The following EVL variants were observed in gnomAD, a reference collection of about 807,000 sequenced individuals.
The protein encoded by EVL is Enah/Vasp-like, also known as ena/VASP-like protein.
In EVL, 21 loss-of-function variants were observed where a neutral mutation model predicts 59.6. The ratio of observed to expected loss-of-function variants is 0.35; its 90% CI spans 0.25 to 0.51. The LOEUF is 0.51. EVL is among the 20% of genes least tolerant of loss of function. The pLI is 0.97. For missense variants in EVL, 462 were observed against 546.6 expected, an observed-to-expected ratio of 0.85 and a Z score of 1.54; for synonymous variants, 198 against 203.5, an observed-to-expected ratio of 0.97 and a Z score of 0.23.
chr14:100,045,492 C>T (rs1480425830), intron 1 of EVL, among the ~76,000 whole-genome samples: 1 of 152,228 alleles, frequency 6.6e-6, no homozygotes, highest in African/African-American at 2.4e-5. Context: ...GAAGAACTCT[C>T]TCGTGTAGGT....
intron 1 of EVL, among the ~76,000 whole-genome samples, chr14:100,027,630 CTTTT>C (rs1006157505): frequency 1.3e-5 from 2 of 151,278 alleles, no homozygotes; most frequent in Non-Finnish European, 3.0e-5. Flanking sequence ...ATTTATACCA[CTTTT>C]TTTTTAATCC....
chr14:100,132,544 G>C (rs1466187293), intron 7 of EVL, among the ~76,000 whole-genome samples, 175 bp from the exon 8 acceptor site: 1 of 152,174 alleles, frequency 6.6e-6, no homozygotes, highest in African/African-American at 2.4e-5. Context: ...ACATTTGCCT[G>C]GGCCTGGCTC....
At chr14:100,081,086 T>A (rs930554996) in intron 1 of EVL, among the ~76,000 whole-genome samples, 1 of 152,276 alleles carries the variant, frequency 6.6e-6, no homozygotes, top group East Asian at 1.9e-4. Context: ...TTGAGATCAG[T>A]CTGGGCAACA....
At chr14:100,093,225 A>C (rs1372644845) in intron 2 of EVL, among the ~76,000 whole-genome samples, 1 of 152,212 alleles carries the variant, frequency 6.6e-6, no homozygotes, top group African/African-American at 2.4e-5. Flanking sequence ...TCAAATAATA[A>C]ATATAAATTT....
chr14:100,095,504 A>G (rs1007727330), intron 2 of EVL, among the ~76,000 whole-genome samples: 4 of 152,062 alleles, frequency 2.6e-5, no homozygotes, highest in Non-Finnish European at 5.9e-5. Context: ...ACTAGTTATT[A>G]TTTGCTAGTT....
intron 1 of EVL, among the ~76,000 whole-genome samples, chr14:100,006,039 T>C (rs974641518): frequency 2.0e-5 from 3 of 151,558 alleles, no homozygotes; most frequent in Admixed American, 1.3e-4. Flanking sequence ...GACAACACTT[T>C]TGTGTGTGTT....
chr14:99,987,907 T>G (rs1424432362), intron 1 of EVL, among the ~76,000 whole-genome samples: 61 of 105,390 alleles, frequency 5.8e-4, no homozygotes, highest in Non-Finnish European at 7.4e-4. Context: ...ACAACCCAAT[T>G]TTTTTTTTTT....
intron 1 of EVL, among the ~76,000 whole-genome samples, chr14:100,025,389 A>C (rs1482482763): frequency 2.6e-5 from 4 of 152,034 alleles, no homozygotes; most frequent in African/African-American, 4.8e-5. Flanking sequence ...CTCTGCCTGG[A>C]TTGCTCTGCC....
intron 2 of EVL, among the ~76,000 whole-genome samples, chr14:100,092,809 G>T (rs1348817700): frequency 6.6e-6 from 1 of 152,166 alleles, no homozygotes. Flanking sequence ...CATAAAGATT[G>T]TGTTGAGGGA....
In EVL at chr14:100,132,759, A is replaced by G. The variant is rs1888516420; in HGVS notation, c.880A>G (p.Lys294Glu). ...ASQSDKPAEK[K>E]EDESQMEDPS... ...CCAGTCAGACAAGCCAGCCGAGAAG[A>G]AGGAAGATGAAAGCCAAATGGTGAG... is the stretch of plus-strand genomic sequence containing the variant. The change falls in exon 8 of 14, where the codon AAG (lysine) becomes GAG (glutamate). Residue 294 changes from lysine to glutamate, a missense_variant. By Grantham distance (56) the Lys-to-Glu change is moderately conservative. Transcript: ENST00000392920. 1 of 1,614,024 alleles carries G rather than the reference A, an allele frequency of 6.2e-7. No individual in the cohort carries two copies. The highest frequency in any genetic ancestry group is 1.1e-5 in the South Asian group (1 of 91,090).
chr14:100,046,298 G>A (rs190474239), intron 1 of EVL, among the ~76,000 whole-genome samples: 1 of 152,276 alleles, frequency 6.6e-6, no homozygotes, highest in Non-Finnish European at 1.5e-5. Context: ...CATACAATGA[G>A]TATATATGAG....
At chr14:99,996,512 A>G (rs755004466) in intron 1 of EVL, among the ~76,000 whole-genome samples, 3 of 152,212 alleles carry the variant, frequency 2.0e-5, no homozygotes, top group Non-Finnish European at 2.9e-5. Context: ...CTATTTCTCA[A>G]TTAACATAAA....
At chr14:100,042,422 G>A (rs1201890075) in intron 1 of EVL, among the ~76,000 whole-genome samples, 1 of 152,202 alleles carries the variant, frequency 6.6e-6, no homozygotes, top group African/African-American at 2.4e-5. Context: ...TCTTTGCTCT[G>A]TATTAGATTT....
chr14:100,061,605 C>T (rs975288036), upstream of EVL, among the ~76,000 whole-genome samples: 4 of 151,744 alleles, frequency 2.6e-5, no homozygotes, highest in Non-Finnish European at 2.9e-5. Context: ...TGAACAATCC[C>T]GGGGTTAGGG....
At chr14:100,132,255 C>T (rs542203300) in intron 7 of EVL, among the ~76,000 whole-genome samples, 11 of 149,164 alleles carry the variant, frequency 7.4e-5, no homozygotes, top group African/African-American at 2.5e-4. Context: ...TTGGGGAGGG[C>T]GTGGCTGGGT....
At chr14:100,022,528 C>T (rs188664140) in intron 1 of EVL, among the ~76,000 whole-genome samples, 397 of 152,274 alleles carry the variant, frequency 2.6e-3, no homozygotes, top group African/African-American at 8.8e-3. Context: ...GATCTACCCA[C>T]CTTGGCCCCC....
intron 3 of EVL, among the ~76,000 whole-genome samples, chr14:100,103,641 G>A (rs946987790): frequency 6.6e-6 from 1 of 152,134 alleles, no homozygotes; most frequent in Non-Finnish European, 1.5e-5. Context: ...TGAGGATGAG[G>A]CGCCCCTTCT....
intron 1 of EVL, among the ~76,000 whole-genome samples, chr14:100,069,763 T>C (rs895561498): frequency 6.6e-6 from 1 of 152,174 alleles, no homozygotes. Context: ...TGAGAACTAG[T>C]GTAGTCCAAT....
chr14:100,124,459 C>G lies in EVL; in HGVS notation c.422+857C>G, dbSNP rs77870607. ...ACCTTGGGCAAGTTCCTGCTCCAAG[C>G]CTCCGTTTCCCGGTTTGAAGATGGT... On this transcript the variant is annotated intron_variant, in intron 4 of 13. Transcript: ENST00000392920. Among the ~76,000 whole-genome samples, 1,147 of 152,346 alleles carry G rather than the reference C, an allele frequency of 7.5e-3. 19 individuals are homozygous for G. Among genetic ancestry groups the G allele is most frequent in the African/African-American group, 0.026 (1,079 of 41,576 alleles).
Sources: allele counts gnomAD v4.1 joint callset (sites outside exome capture counted in the v4.1 genomes callset), GRCh38; gene constraint gnomAD v4.1.1; transcripts MANE v1.5; gene names NCBI Gene and HGNC (gene_info 2026-07-23, HGNC 2026-07-21).